The following PTPN9 variants were observed in gnomAD, a reference collection of about 807,000 sequenced individuals.
PTPN9 encodes the protein tyrosine-protein phosphatase non-receptor type 9.
A neutral mutation model predicts 69.8 loss-of-function variants in PTPN9; 26 were observed. The ratio of observed to expected loss-of-function variants is 0.37; its 90% CI spans 0.27 to 0.52. The LOEUF is 0.52. PTPN9 is among the 20% of genes least tolerant of loss of function. The pLI is 0.91. For missense variants in PTPN9, 549 were observed against 740.3 expected, an observed-to-expected ratio of 0.74 and a Z score of 3.00; for synonymous variants, 274 against 272.5, an observed-to-expected ratio of 1.01 and a Z score of -0.05.
intron 7 of PTPN9, among the ~76,000 whole-genome samples, chr15:75,500,911 A>T (rs942489705): frequency 6.6e-6 from 1 of 151,918 alleles, no homozygotes; most frequent in African/African-American, 2.4e-5. Flanking sequence ...ATAATAAAAT[A>T]ATAAATACAA....
intron 1 of PTPN9, among the ~76,000 whole-genome samples, chr15:75,548,254 T>A (rs2075042551): frequency 6.6e-6 from 1 of 151,602 alleles, no homozygotes; most frequent in Non-Finnish European, 1.5e-5. Context: ...TAATATAAAC[T>A]TCTTCTTTTT....
At chr15:75,550,157 C>T (rs891310407) in intron 1 of PTPN9, among the ~76,000 whole-genome samples, 1 of 149,894 alleles carries the variant, frequency 6.7e-6, no homozygotes, top group Non-Finnish European at 1.5e-5. Context: ...CCTGATAAAC[C>T]CCTGTGGTAG....
At chr15:75,476,750 A>G (rs1280039027) in intron 9 of PTPN9, among the ~76,000 whole-genome samples, 1 of 152,192 alleles carries the variant, frequency 6.6e-6, no homozygotes, top group Non-Finnish European at 1.5e-5. Context: ...ATGTTCTACA[A>G]TGGACATGCA....
At chr15:75,502,453 GA>G (rs148329159) in intron 7 of PTPN9, among the ~76,000 whole-genome samples, 5 of 144,910 alleles carry the variant, frequency 3.5e-5, no homozygotes, top group East Asian at 4.0e-4. Context: ...ATCTCAGAAA[GA>G]AAAAAAAAAG....
intron 1 of PTPN9, among the ~76,000 whole-genome samples, chr15:75,534,879 G>T (rs374843158): frequency 6.6e-6 from 1 of 151,864 alleles, no homozygotes; most frequent in African/African-American, 2.4e-5. Context: ...AGGCTGATGC[G>T]GGAGAATAGC....
intron 1 of PTPN9, among the ~76,000 whole-genome samples, chr15:75,576,987 A>T (rs2075176801): frequency 6.6e-6 from 1 of 152,218 alleles, no homozygotes; most frequent in African/African-American, 2.4e-5. Flanking sequence ...GAAAAAAGAG[A>T]TAAGATTTTA....
chr15:75,552,025 G>A (rs1318060118), intron 1 of PTPN9, among the ~76,000 whole-genome samples: 2 of 148,890 alleles, frequency 1.3e-5, no homozygotes, highest in African/African-American at 5.0e-5. Flanking sequence ...CCGGGTGACA[G>A]AGTGAGACTC....
intron 1 of PTPN9, among the ~76,000 whole-genome samples, chr15:75,577,908 C>T (rs538731652): frequency 7.2e-5 from 11 of 152,274 alleles, no homozygotes; most frequent in Admixed American, 2.0e-4. Flanking sequence ...TTCCCATCTT[C>T]CTCAGGAGTG....
chr15:75,515,271 C>CA (rs1299768331), intron 5 of PTPN9, among the ~76,000 whole-genome samples: 2 of 151,272 alleles, frequency 1.3e-5, no homozygotes, highest in Non-Finnish European at 2.9e-5. Flanking sequence ...ACTTAAAATA[C>CA]AAAAAAATTA....
At chr15:75,557,126 T>G (rs1297072282) in intron 1 of PTPN9, among the ~76,000 whole-genome samples, 2 of 152,188 alleles carry the variant, frequency 1.3e-5, no homozygotes, top group African/African-American at 4.8e-5. Context: ...CCTTTGGCTA[T>G]TGAGAATAGT....
chr15:75,530,649 ATATT>A (rs2074954471), intron 1 of PTPN9, among the ~76,000 whole-genome samples: 1 of 36,368 alleles, frequency 2.7e-5, no homozygotes, highest in South Asian at 8.0e-4. Flanking sequence ...ACTATAATAT[ATATT>A]ATTATATAAT....
At chr15:75,518,830 A>AG (rs1312538731) in intron 4 of PTPN9, among the ~76,000 whole-genome samples, 1 of 152,014 alleles carries the variant, frequency 6.6e-6, no homozygotes. Flanking sequence ...GGAAAAAAAA[A>AG]AAAAAAAAAG....
chr15:75,514,884 A>C (rs1026899595), intron 5 of PTPN9, among the ~76,000 whole-genome samples: 2 of 152,216 alleles, frequency 1.3e-5, no homozygotes, highest in African/African-American at 4.8e-5. Context: ...GAAAAAAATT[A>C]AGAAGTCTGA....
chr15:75,570,244 T>G (rs1567530557), intron 1 of PTPN9: 1 of 152,194 alleles, frequency 6.6e-6, no homozygotes, highest in African/African-American at 2.4e-5. Context: ...CCTTCCTTCT[T>G]TGTCTCTGTA....
rs188313121 is a variant in PTPN9, at chr15:75,533,178, G to C, written c.64-5917C>G. 6.0e-4 allele frequency among the ~76,000 whole-genome samples: 92 copies of C among 152,272 alleles called. 2 individuals carry two copies. Among genetic ancestry groups the C allele is most frequent in the Non-Finnish European group, 1.0e-3 (69 of 68,024 alleles). ...TTCAAACAGCTCTGGTCTTCCTTTGGGATAAGGTCTGAATTGATATATGGA... is the reference window on the plus strand; with the variant it reads ...TTCAAACAGCTCTGGTCTTCCTTTGCGATAAGGTCTGAATTGATATATGGA... On this transcript the variant is annotated intron_variant, in intron 1 of 12. Coordinates refer to ENST00000618819, the MANE Select transcript of PTPN9 (RefSeq NM_002833.4).
In PTPN9 at chr15:75,504,394, C is replaced by A. The variant is rs1240899849; in HGVS notation, c.968+1281G>T. Among the ~76,000 whole-genome samples the A allele has an allele frequency of 7.0e-5, 9 of 128,576 alleles. No homozygotes were observed. The East Asian group carries it at 1.5e-3, about 22-fold the overall frequency. The allele number at this position is 128,576 out of a possible 152,430, so 84.4% of individuals were successfully genotyped here. A position where few individuals can be genotyped will look rare whatever the true frequency, so the allele number is the denominator to read the frequency against. On this transcript the variant is annotated intron_variant, in intron 7 of 12. Coordinates refer to ENST00000618819, the MANE Select transcript of PTPN9 (RefSeq NM_002833.4). ...CCGGGAGGGAGGTGGGGGGCTCAGC[C>A]CCCCGCCCGGCCAGCCGACCCGTCC...
intron 1 of PTPN9, among the ~76,000 whole-genome samples, chr15:75,546,325 G>A (rs963763826): frequency 1.3e-5 from 2 of 152,050 alleles, no homozygotes; most frequent in Admixed American, 6.6e-5. Flanking sequence ...TCCCAAAATT[G>A]TCAGGGTGAT....
intron 1 of PTPN9, among the ~76,000 whole-genome samples, chr15:75,548,802 C>T (rs933890444): frequency 4.0e-5 from 6 of 150,636 alleles, no homozygotes; most frequent in Admixed American, 6.6e-5. Flanking sequence ...TACAGGCGCC[C>T]GCCACCACGC....
chr15:75,559,106 A>C (rs2075091447), intron 1 of PTPN9, among the ~76,000 whole-genome samples: 1 of 146,684 alleles, frequency 6.8e-6, no homozygotes, highest in African/African-American at 2.6e-5. Flanking sequence ...CCAGCCGCCC[A>C]TCGTCTGAGA....
Sources: allele counts gnomAD v4.1 joint callset (sites outside exome capture counted in the v4.1 genomes callset), GRCh38; gene constraint gnomAD v4.1.1; transcripts MANE v1.5; gene names NCBI Gene and HGNC (gene_info 2026-07-23, HGNC 2026-07-21).